Variants in SLC16A7 observed in about 807,000 individuals in gnomAD.
SLC16A7 encodes solute carrier family 16 member 7, also known as monocarboxylate transporter 2.
SLC16A7 carries 33 observed loss-of-function variants against 34.9 expected under a neutral mutation model. The observed-to-expected ratio is 0.94, with a 90% CI of 0.72 to 1.26. The LOEUF is 1.26. Ranked by LOEUF, SLC16A7 falls within the 50% of genes most tolerant of loss-of-function variation. The pLI, the probability that SLC16A7 is intolerant of heterozygous loss-of-function variation, is 0.00. For missense variants in SLC16A7, 573 were observed against 578.1 expected (o/e 0.99, Z 0.09); for synonymous variants, 201 against 206.6 (o/e 0.97, Z 0.23).
At chr12:59,736,271 G>A (rs77283760) in intron 3 of SLC16A7, among the ~76,000 whole-genome samples, 1,827 of 152,192 alleles carry the variant, frequency 0.012, 18 homozygotes, top group Middle Eastern at 0.054. Flanking sequence ...GAGAGTGGGT[G>A]TTAAATCAAA....
At chr12:59,774,463 T>C (rs536537050) in intron 4 of SLC16A7, among the ~76,000 whole-genome samples, 194 bp from the exon 5 acceptor site, 69 of 152,332 alleles carry the variant, frequency 4.5e-4, no homozygotes, top group African/African-American at 1.4e-3. Flanking sequence ...GAAATGAAAC[T>C]GTCGTTTCAA....
At chr12:59,749,530 G>C (rs1879265962) in intron 3 of SLC16A7, among the ~76,000 whole-genome samples, 1 of 152,110 alleles carries the variant, frequency 6.6e-6, no homozygotes, top group East Asian at 1.9e-4. Flanking sequence ...AGGAGGTGAG[G>C]TCATAGCACC....
At chr12:59,750,171 T>G (rs2952446) in intron 3 of SLC16A7, among the ~76,000 whole-genome samples, 1 of 151,994 alleles carries the variant, frequency 6.6e-6, no homozygotes, top group Admixed American at 6.6e-5. Context: ...ACTTCATGAC[T>G]AAAACACCAA....
rs1324919234 is a variant in SLC16A7 at position 59,785,870 on chromosome 12, G to T, written c.*6191G>T. The T allele has an allele frequency of 6.6e-6, 1 of 151,918 alleles. No homozygotes were observed. Among genetic ancestry groups the T allele is most frequent in the Non-Finnish European group, 1.5e-5 (1 of 67,986 alleles). 9.4% of individuals were successfully genotyped at this position (151,918 alleles called of 1,614,324 possible). On this transcript the variant is annotated 3_prime_UTR_variant, in exon 6 of 6. Coordinates refer to ENST00000547379, the MANE Select transcript of SLC16A7 (RefSeq NM_001270623.2). Reference sequence around the variant, plus strand: ...TGATACTGAACATTCTATTAAAATAGAATAAGTTCGTGTAGGGACATGGAT... The same window carrying T: ...TGATACTGAACATTCTATTAAAATATAATAAGTTCGTGTAGGGACATGGAT...
intron 3 of SLC16A7, among the ~76,000 whole-genome samples, chr12:59,746,087 A>G (rs1174963246): frequency 6.6e-6 from 1 of 152,236 alleles, no homozygotes; most frequent in Non-Finnish European, 1.5e-5. Flanking sequence ...TTTTTGAAAG[A>G]TCACTCTTGG....
intron 1 of SLC16A7, among the ~76,000 whole-genome samples, chr12:59,650,107 A>G (rs1398088986): frequency 6.6e-6 from 1 of 151,902 alleles, no homozygotes; most frequent in African/African-American, 2.4e-5. Context: ...TAGAACAGAT[A>G]CCCCCTTGAT....
intron 1 of SLC16A7, among the ~76,000 whole-genome samples, chr12:59,633,041 A>T (rs1329486670): frequency 2.6e-5 from 4 of 152,012 alleles, no homozygotes; most frequent in Non-Finnish European, 5.9e-5. Context: ...GCATTGAAGA[A>T]TAATAATTCT....
chr12:59,749,353 G>T (rs1879245188), intron 3 of SLC16A7, among the ~76,000 whole-genome samples: 1 of 152,138 alleles, frequency 6.6e-6, no homozygotes, highest in Admixed American at 6.5e-5. Context: ...TTGATGCTTT[G>T]TGCCTCAATT....
chr12:59,757,297 A>C (rs1295306627), intron 3 of SLC16A7, among the ~76,000 whole-genome samples: 1 of 151,996 alleles, frequency 6.6e-6, no homozygotes, highest in African/African-American at 2.4e-5. Flanking sequence ...AGAAATACCT[A>C]ATGTAGGTGA....
chr12:59,754,531 C>T (rs1356685842), intron 3 of SLC16A7, among the ~76,000 whole-genome samples: 8 of 152,314 alleles, frequency 5.3e-5, no homozygotes, highest in African/African-American at 1.2e-4. Context: ...TTCCTCGACA[C>T]GTACACCCTC....
intron 3 of SLC16A7, among the ~76,000 whole-genome samples, chr12:59,717,127 A>G (rs1037050419): frequency 1.3e-5 from 2 of 152,294 alleles, no homozygotes; most frequent in African/African-American, 4.8e-5. Flanking sequence ...GTCTTTCTCA[A>G]TGTTTCAGAT....
At chr12:59,652,603 A>G (rs567147473) in intron 1 of SLC16A7, among the ~76,000 whole-genome samples, 11 of 151,976 alleles carry the variant, frequency 7.2e-5, no homozygotes, top group Non-Finnish European at 1.6e-4. Context: ...ACTATTTCCT[A>G]CCTGATAATT....
At chr12:59,616,391 G>C (rs549233466) in intron 1 of SLC16A7, among the ~76,000 whole-genome samples, 1 of 152,128 alleles carries the variant, frequency 6.6e-6, no homozygotes, top group South Asian at 2.1e-4. Flanking sequence ...GCAATATTCT[G>C]GGTAGGCCAT....
chr12:59,754,971 G>T (rs1219332901), intron 3 of SLC16A7, among the ~76,000 whole-genome samples: 1 of 152,134 alleles, frequency 6.6e-6, no homozygotes, highest in Non-Finnish European at 1.5e-5. Context: ...ACCAATAAAT[G>T]TAATCCAGCA....
In SLC16A7 at chr12:59,788,757, A is replaced by T. The variant is rs1345065429; in HGVS notation, c.*9078A>T. On this transcript the variant is annotated 3_prime_UTR_variant, in exon 6 of 6. Coordinates refer to ENST00000547379, the MANE Select transcript of SLC16A7 (RefSeq NM_001270623.2). Reference sequence around the variant, plus strand: ...ACTTAGCAAATAATATGTGTAAAGGAATTAACCAAAAATGAAAGAACTGGC... The same window carrying T: ...ACTTAGCAAATAATATGTGTAAAGGTATTAACCAAAAATGAAAGAACTGGC... 1.3e-5 allele frequency: 2 copies of T among 152,038 alleles called. No homozygotes were observed. Among genetic ancestry groups the T allele is most frequent in the Admixed American group, 6.6e-5 (1 of 15,260 alleles). The allele number at this position is 152,038 out of a possible 1,614,324, so 9.4% of individuals were successfully genotyped here. A position where few individuals can be genotyped will look rare whatever the true frequency, so the allele number is the denominator to read the frequency against.
intron 2 of SLC16A7, among the ~76,000 whole-genome samples, chr12:59,696,677 A>G (rs1872333765): frequency 6.6e-6 from 1 of 152,026 alleles, no homozygotes; most frequent in Non-Finnish European, 1.5e-5. Flanking sequence ...GTATGACTTG[A>G]ATCTTGACAA....
At chr12:59,685,897 A>G (rs1187291398) in intron 2 of SLC16A7, among the ~76,000 whole-genome samples, 11 of 152,034 alleles carry the variant, frequency 7.2e-5, no homozygotes. Flanking sequence ...ATCTAAACAT[A>G]TACCAGATTC....
intron 3 of SLC16A7, among the ~76,000 whole-genome samples, chr12:59,738,434 C>T (rs1348443955): frequency 6.6e-6 from 1 of 152,092 alleles, no homozygotes; most frequent in African/African-American, 2.4e-5. Context: ...TTCTCATGGA[C>T]CAATAACAAG....
At chr12:59,755,359 T>A (rs62443695) in intron 3 of SLC16A7, among the ~76,000 whole-genome samples, 2 of 152,150 alleles carry the variant, frequency 1.3e-5, no homozygotes, top group Non-Finnish European at 2.9e-5. Flanking sequence ...GAAAACCCCA[T>A]TGTCTCAGCC....
Sources: allele counts gnomAD v4.1 joint callset (sites outside exome capture counted in the v4.1 genomes callset), GRCh38; gene constraint gnomAD v4.1.1; transcripts MANE v1.5; gene names NCBI Gene and HGNC (gene_info 2026-07-23, HGNC 2026-07-21).